Variants in WDR25 observed in about 807,000 individuals in gnomAD.
The protein encoded by WDR25 is WD repeat domain 25.
A neutral mutation model predicts 47.7 loss-of-function variants in WDR25; 35 were observed. That is an observed-to-expected ratio of 0.73 (90% CI 0.56 to 0.97). WDR25 has a LOEUF of 0.97. Among genes scored for constraint, WDR25 ranks in the 50% least tolerant of loss-of-function variants. The probability of loss-of-function intolerance (pLI) is 0.00; values close to 1 mark genes in which losing one functional copy is unlikely to be tolerated. For synonymous variants in WDR25, 248 were observed against 278.9 expected (o/e 0.89, Z 1.10); for missense variants, 634 against 704.7 (o/e 0.90, Z 1.14).
intron 1 of WDR25, among the ~76,000 whole-genome samples, chr14:100,379,411 G>A (rs1273798533): frequency 2.2e-5 from 3 of 135,664 alleles, no homozygotes; most frequent in Non-Finnish European, 3.1e-5. Flanking sequence ...TTTTTGAGAT[G>A]GAGTCTTGCT....
intron 3 of WDR25, among the ~76,000 whole-genome samples, chr14:100,470,705 C>T (rs1899800471): frequency 6.6e-6 from 1 of 152,156 alleles, no homozygotes; most frequent in Non-Finnish European, 1.5e-5. Flanking sequence ...CCTGCAGCCC[C>T]TGGTGGAGAG....
chr14:100,459,798 CA>C (rs1421597632), intron 2 of WDR25, among the ~76,000 whole-genome samples: 4 of 150,048 alleles, frequency 2.7e-5, no homozygotes, highest in Non-Finnish European at 5.9e-5. Context: ...TGTGAGACAA[CA>C]AAATTCTGTT....
At chr14:100,390,477 C>T (rs1006257089) in intron 2 of WDR25, among the ~76,000 whole-genome samples, 6 of 150,862 alleles carry the variant, frequency 4.0e-5, no homozygotes, top group Admixed American at 2.0e-4. Flanking sequence ...TGCAGCGGGC[C>T]GGATGTAGGG....
At chr14:100,460,261 C>T (rs533252069) in intron 2 of WDR25, among the ~76,000 whole-genome samples, 9 of 151,856 alleles carry the variant, frequency 5.9e-5, no homozygotes, top group Admixed American at 3.9e-4. Flanking sequence ...TACAGGCGCC[C>T]GCCACCACGC....
rs1898231736 is a variant in WDR25, at chr14:100,428,413, C to T, written c.823-39608C>T. Among the ~76,000 whole-genome samples, 4 of 152,194 alleles carry T rather than the reference C, an allele frequency of 2.6e-5. No homozygotes were observed. Among genetic ancestry groups the T allele is most frequent in the Admixed American group, 2.0e-4 (3 of 15,272 alleles). Reference sequence around the variant, plus strand: ...GGCCTGGCTACGGGTCTTGGGTCTGCCACTCACCAGCCTGGTGTGGGCAGC... The same window carrying T: ...GGCCTGGCTACGGGTCTTGGGTCTGTCACTCACCAGCCTGGTGTGGGCAGC... On this transcript the variant is annotated intron_variant, in intron 2 of 6. Coordinates refer to ENST00000402312, the MANE Select transcript of WDR25 (RefSeq NM_001161476.3). This position sits in a 1 kb window ranked among gnomAD's most constrained non-coding sequence, Gnocchi z 4.3.
chr14:100,389,711 C>T (rs1222504000), intron 2 of WDR25, among the ~76,000 whole-genome samples: 1 of 152,232 alleles, frequency 6.6e-6, no homozygotes, highest in Admixed American at 6.5e-5. Context: ...TACTGTGATA[C>T]TGGCTGAAAT....
chr14:100,392,452 C>T lies in WDR25; in HGVS notation c.822+10706C>T, dbSNP rs1276664982. Among the ~76,000 whole-genome samples the T allele has an allele frequency of 6.6e-6, 1 of 151,938 alleles. No individual in the cohort carries two copies. Among genetic ancestry groups the T allele is most frequent in the East Asian group, 1.9e-4 (1 of 5,164 alleles). On this transcript the variant is annotated intron_variant, in intron 2 of 6. Transcript: ENST00000402312. The surrounding 1 kb of genome is among the most constrained non-coding windows in gnomAD (Gnocchi z 4.2). ...CTGTCACCCTCTTGCCCCTTCTCCT[C>T]TGCCCTTCCTTTGGCCCTTTGTGGA...
intron 2 of WDR25, among the ~76,000 whole-genome samples, chr14:100,390,424 T>TGTGC (rs1555386381): frequency 6.9e-6 from 1 of 144,716 alleles, no homozygotes; most frequent in East Asian, 2.1e-4. Flanking sequence ...TGTGTGTGTG[T>TGTGC]GTGCATGCAC....
chr14:100,401,730 G>A (rs1012823880), intron 2 of WDR25, among the ~76,000 whole-genome samples: 1 of 152,220 alleles, frequency 6.6e-6, no homozygotes, highest in Non-Finnish European at 1.5e-5. Context: ...AAGTACCAGA[G>A]AGCCTGAGAG....
In WDR25 at chr14:100,529,987, G is replaced by A; in HGVS notation, c.1581G>A (p.Leu527=). ...TCGGCACCACCTATCACCCCGTGCT[G>A]CCCTCCGTCCTCGCCACCTGCTCCT... is the stretch of plus-strand genomic sequence containing the variant. The part of the protein sequence containing the change: ...ACVGTTYHPV[L]PSVLATCSWG... The change falls in exon 7 of 7, where the codon CTG becomes CTA. Residue 527 remains leucine, a synonymous_variant. Coordinates refer to ENST00000402312, the MANE Select transcript of WDR25 (RefSeq NM_001161476.3). This position sits in a 1 kb window ranked among gnomAD's most constrained non-coding sequence, Gnocchi z 5.1. 2 of 1,613,430 alleles carry A rather than the reference G, an allele frequency of 1.2e-6. No individual in the cohort carries two copies. Among genetic ancestry groups the A allele is most frequent in the African/African-American group, 1.3e-5 (1 of 75,058 alleles).
intron 4 of WDR25, among the ~76,000 whole-genome samples, chr14:100,509,979 A>T (rs572050194): frequency 1.2e-4 from 18 of 151,582 alleles, no homozygotes; most frequent in South Asian, 1.0e-3. Context: ...AATTAAAAAA[A>T]TTTTTTGTAG....
At chr14:100,455,898 A>G (rs928068683) in intron 2 of WDR25, among the ~76,000 whole-genome samples, 1 of 152,174 alleles carries the variant, frequency 6.6e-6, no homozygotes, top group Non-Finnish European at 1.5e-5. Flanking sequence ...ACTCTCCTAA[A>G]TATTCCTATC....
At position 100,523,202 on chromosome 14, in the gene WDR25, C is replaced by T. The variant is rs746361213; in HGVS notation, c.1102-2668C>T. On this transcript the variant is annotated intron_variant, in intron 4 of 6. Transcript: ENST00000402312. This position sits in a 1 kb window ranked among gnomAD's most constrained non-coding sequence, Gnocchi z 4.7. ...TCACTTATCCAGCATCAATTTGACA[C>T]ACCTTACTGATGCCTGCAGGGGCAG... is the stretch of plus-strand genomic sequence containing the variant. 1.6e-4 allele frequency among the ~76,000 whole-genome samples: 25 copies of T among 152,260 alleles called. No homozygotes were observed. The highest frequency in any genetic ancestry group is 3.4e-4 in the Non-Finnish European group (23 of 68,052).
chr14:100,408,604 C>G (rs1450892026), intron 2 of WDR25, among the ~76,000 whole-genome samples: 2 of 152,148 alleles, frequency 1.3e-5, no homozygotes, highest in East Asian at 1.9e-4. Context: ...TTTACGCAGG[C>G]AGGCATAGGA....
rs757671200 is a variant in WDR25 at position 100,381,076 on chromosome 14, C to T, written c.152C>T (p.Ala51Val). 21 of 1,614,118 alleles carry T rather than the reference C, an allele frequency of 1.3e-5. 1 individual carries two copies. The South Asian group carries it at 2.2e-4, about 17-fold the overall frequency. ...GVARPPGQDF[A>V]SGTLDVPKAG... Reference sequence around the variant, plus strand: ...GCCAGACCACCTGGGCAGGATTTTGCATCTGGTACACTGGATGTGCCCAAA... The same window carrying T: ...GCCAGACCACCTGGGCAGGATTTTGTATCTGGTACACTGGATGTGCCCAAA... The change falls in exon 2 of 7, where the codon GCA becomes GTA. Residue 51 changes from alanine (A) to valine (V), a missense_variant. Physicochemically the swap from Ala to Val is moderately conservative, Grantham distance 64. Transcript: ENST00000402312.
At chr14:100,459,453 A>G (rs1466995275) in intron 2 of WDR25, among the ~76,000 whole-genome samples, 1 of 152,144 alleles carries the variant, frequency 6.6e-6, no homozygotes, top group African/African-American at 2.4e-5. Flanking sequence ...AAATTATACC[A>G]ATTTATCATG....
chr14:100,491,609 C>T (rs1453987740), intron 4 of WDR25, among the ~76,000 whole-genome samples: 6 of 152,346 alleles, frequency 3.9e-5, no homozygotes, highest in East Asian at 1.9e-4. Flanking sequence ...ATGATGTTCA[C>T]GCAATGACAA....
At chr14:100,391,186 A>G (rs8005949) in intron 2 of WDR25, among the ~76,000 whole-genome samples, 17,314 of 152,004 alleles carry the variant, frequency 0.11, 2,309 homozygotes, top group African/African-American at 0.32. Context: ...GTAATTGTCC[A>G]TGGCTCTAGA....
intron 4 of WDR25, among the ~76,000 whole-genome samples, chr14:100,493,740 G>A (rs1371332346): frequency 6.6e-6 from 1 of 152,176 alleles, no homozygotes; most frequent in Non-Finnish European, 1.5e-5. Context: ...CTGACTGTTT[G>A]TGTCCTCCCC....
Sources: gnomAD v4.1 joint callset for allele counts (sites outside exome capture counted in the v4.1 genomes callset) on GRCh38, gnomAD v4.1.1 for gene constraint, Gnocchi (gnomAD v3.1) non-coding constraint, MANE v1.5 for transcripts, NCBI Gene and HGNC (gene_info 2026-07-23, HGNC 2026-07-21) for gene names.